RIOX2: variants seen among roughly 807,000 people sequenced by gnomAD.
RIOX2 encodes ribosomal oxygenase 2.
In RIOX2, 43 loss-of-function variants were observed where a neutral mutation model predicts 51.2. That is an observed-to-expected ratio of 0.84 (90% CI 0.66 to 1.08). The LOEUF (loss-of-function observed/expected upper bound fraction) is 1.08. RIOX2 is among the 50% of genes least tolerant of loss of function. The pLI, the probability that RIOX2 is intolerant of heterozygous loss-of-function variation, is 0.00. For missense variants in RIOX2, 566 were observed against 561.7 expected (o/e 1.01, Z -0.08); for synonymous variants, 226 against 218.5 (o/e 1.03, Z -0.30).
At chr3:97,953,993 A>G (rs1402681955) in intron 5 of RIOX2, 1 of 168,768 alleles carries the variant, frequency 5.9e-6, no homozygotes, top group East Asian at 1.5e-4. Context: ...AATGTAATTA[A>G]TGTCAAACTA....
chr3:97,967,305 C>T lies in RIOX2; in HGVS notation c.289G>A (p.Gly97Arg), dbSNP rs1705929102. Residue 97 changes from glycine (G) to arginine (R), a missense_variant, in exon 2 of 10, where the codon GGA becomes AGA. Coordinates refer to ENST00000394198, the MANE Select transcript of RIOX2 (RefSeq NM_153182.4). ...CACCGGCAGACATTCACATCTCTTC[C>T]ATAGTACATCCCCCGGCTGCACAGA... ...KSLCSRGMYYGRDVNVCRCVN... is the reference protein window; with the variant it reads ...KSLCSRGMYYRRDVNVCRCVN... 6.2e-7 allele frequency: 1 copy of T among 1,614,060 alleles called. No individual in the cohort carries two copies.
intron 2 of RIOX2, among the ~76,000 whole-genome samples, chr3:97,963,767 G>A (rs1705771946): frequency 6.6e-6 from 1 of 152,130 alleles, no homozygotes; most frequent in Admixed American, 6.5e-5. Flanking sequence ...TACTGAAAAT[G>A]CTATCAATGG....
chr3:97,950,918 A>G (rs768172793), intron 5 of RIOX2, 30 bp from the exon 6 acceptor site: 7 of 1,516,462 alleles, frequency 4.6e-6, no homozygotes, highest in Middle Eastern at 1.7e-4. Context: ...GGAAAAAAAA[A>G]CCAAAACAGT....
At chr3:97,966,567 T>G (rs1705899942) in intron 2 of RIOX2, among the ~76,000 whole-genome samples, 5 of 152,252 alleles carry the variant, frequency 3.3e-5, no homozygotes, top group Admixed American at 3.3e-4. Flanking sequence ...GCCAATCCTC[T>G]GCATTTGCAA....
At chr3:97,957,280 C>T (rs1001113061) in intron 4 of RIOX2, among the ~76,000 whole-genome samples, 19 of 151,978 alleles carry the variant, frequency 1.3e-4, no homozygotes, top group East Asian at 3.9e-4. Context: ...AGGTGGATCA[C>T]GAGGTCAGGA....
In RIOX2 at chr3:97,950,915, A is replaced by G. The variant is rs1383114958; in HGVS notation, c.786-27T>C. 2.2e-5 allele frequency: 34 copies of G among 1,539,346 alleles called. No homozygotes were observed. The East Asian group carries it at 7.4e-4, about 34-fold the overall frequency. ...TAGGATATGCACCAAGGGGGAAAAA[A>G]AAACCAAAACAGTGAGTGCATACGA... is the stretch of plus-strand genomic sequence containing the variant. On this transcript the variant is annotated intron_variant, in intron 5 of 9. Transcript: ENST00000394198.
rs781253888 is a variant in RIOX2 at position 97,943,261 on chromosome 3, A to C, written c.*1923T>G. 1.3e-6 allele frequency: 2 copies of C among 1,593,578 alleles called. No homozygotes were observed. The highest frequency in any genetic ancestry group is 1.7e-6 in the Non-Finnish European group (2 of 1,163,790). On this transcript the variant is annotated 3_prime_UTR_variant, in exon 10 of 10. Transcript: ENST00000394198. ...TTGTGACAAGACTCATGTAATTGTAAATCAGCCCCTGGAGGGAGAAGAAAC... is the reference window on the plus strand; with the variant it reads ...TTGTGACAAGACTCATGTAATTGTACATCAGCCCCTGGAGGGAGAAGAAAC...
intron 4 of RIOX2, among the ~76,000 whole-genome samples, chr3:97,958,212 C>T (rs574593736): frequency 2.0e-5 from 3 of 152,148 alleles, no homozygotes; most frequent in South Asian, 2.1e-4. Flanking sequence ...ATTATAACTT[C>T]GAGACACAAG....
intron 7 of RIOX2, among the ~76,000 whole-genome samples, chr3:97,949,542 T>C (rs1705158574): frequency 6.6e-6 from 1 of 152,180 alleles, no homozygotes; most frequent in African/African-American, 2.4e-5. Flanking sequence ...TTTTGAAAAC[T>C]TCCTGAAGAC....
Position 97,967,517 on chromosome 3 carries a change from G to T in RIOX2, c.77C>A (p.Ala26Glu). The change falls in exon 2 of 10, where the codon GCA (alanine) becomes GAA (glutamate). Residue 26 changes from alanine (A) to glutamate (E), a missense_variant. Coordinates refer to ENST00000394198, the MANE Select transcript of RIOX2 (RefSeq NM_153182.4). ...PAPCKQMKLE[A>E]AGGPSALNFD... ...GTTTAAAGCTGAAGGCCCCCCAGCTGCTTCTAACTTCATCTGCTTACAGGG... is the reference window on the plus strand; with the variant it reads ...GTTTAAAGCTGAAGGCCCCCCAGCTTCTTCTAACTTCATCTGCTTACAGGG... 2 of 1,614,108 alleles carry T rather than the reference G, an allele frequency of 1.2e-6. No homozygotes were observed. Among genetic ancestry groups the T allele is most frequent in the Non-Finnish European group, 1.7e-6 (2 of 1,180,028 alleles).
chr3:97,955,006 G>C (rs1358280958), intron 4 of RIOX2, among the ~76,000 whole-genome samples: 2 of 152,126 alleles, frequency 1.3e-5, no homozygotes, highest in African/African-American at 4.8e-5. Context: ...TTGAGGATTA[G>C]AGATGCTGCT....
In RIOX2 at chr3:97,947,433, C is replaced by A. The variant is rs377339395; in HGVS notation, c.1077G>T (p.Arg359Ser). 2 of 1,613,212 alleles carry A rather than the reference C, an allele frequency of 1.2e-6. No homozygotes were observed. Among genetic ancestry groups the A allele is most frequent in the African/African-American group, 2.7e-5 (2 of 74,830 alleles). ...ELSTPGGKLPRLDSVVRLQFK... is the reference protein window; with the variant it reads ...ELSTPGGKLPSLDSVVRLQFK... ...ACTGCAGTCTCACTACACTGTCCAG[C>A]CTCGGTAACTTTCCACCTAGAAAAC... The change falls in exon 8 of 10, where the codon AGG (arginine) becomes AGT (serine). Residue 359 changes from arginine to serine, a missense_variant. Transcript: ENST00000394198.
chr3:97,948,668 T>C (rs1034102802), intron 7 of RIOX2, among the ~76,000 whole-genome samples: 18 of 152,188 alleles, frequency 1.2e-4, no homozygotes, highest in Non-Finnish European at 5.9e-5. Flanking sequence ...GGAGACTTAA[T>C]CATAGAATCC....
At chr3:97,960,806 G>A (rs1215600238) in intron 3 of RIOX2, among the ~76,000 whole-genome samples, 2 of 152,146 alleles carry the variant, frequency 1.3e-5, no homozygotes, top group Non-Finnish European at 2.9e-5. Context: ...ATCTCTGATG[G>A]AAAAGCCAAG....
At chr3:97,966,485 G>A (rs9853899) in intron 2 of RIOX2, among the ~76,000 whole-genome samples, 1,757 of 152,280 alleles carry the variant, frequency 0.012, 33 homozygotes, top group African/African-American at 0.04. Context: ...TATAAATGTA[G>A]AAACCAAGCA....
chr3:97,971,491 G>C (rs913627799), intron 1 of RIOX2: 1 of 152,168 alleles, frequency 6.6e-6, no homozygotes, highest in Non-Finnish European at 1.5e-5. Flanking sequence ...TCAGAGATAT[G>C]TTAATCAATC....
chr3:97,956,586 C>G (rs2107163939), intron 4 of RIOX2, among the ~76,000 whole-genome samples: 1 of 151,850 alleles, frequency 6.6e-6, no homozygotes, highest in South Asian at 2.1e-4. Flanking sequence ...ACCTCCATCT[C>G]CTGGGTTCAA....
Position 97,942,650 on chromosome 3 carries a change from T to C in RIOX2, c.*2534A>G, listed in dbSNP as rs958539750. The stretch of plus-strand genomic sequence containing the variant: ...AACAAAGCTTAGGGTTTTTGTTCAT[T>C]AGTACAGTTGTAAAACTTTCATTTG... On this transcript the variant is annotated 3_prime_UTR_variant, in exon 10 of 10. Transcript: ENST00000394198. 1 of 470,196 alleles carries C rather than the reference T, an allele frequency of 2.1e-6. No homozygotes were observed. The highest frequency in any genetic ancestry group is 3.7e-6 in the Non-Finnish European group (1 of 268,414). The allele number at this position is 470,196 out of a possible 1,614,324, so 29.1% of individuals were successfully genotyped here.
At chr3:97,953,452 T>A (rs903194733) in intron 5 of RIOX2, among the ~76,000 whole-genome samples, 3 of 151,996 alleles carry the variant, frequency 2.0e-5, no homozygotes, top group African/African-American at 7.3e-5. Context: ...GTGATTTGGA[T>A]CACTGCAACC....
Sources: allele counts gnomAD v4.1 joint callset (sites outside exome capture counted in the v4.1 genomes callset), GRCh38; gene constraint gnomAD v4.1.1; transcripts MANE v1.5; gene names NCBI Gene and HGNC (gene_info 2026-07-23, HGNC 2026-07-21).